Variants in CEP83 observed in about 807,000 individuals in gnomAD.
CEP83 encodes the protein centrosomal protein of 83 kDa.
A neutral mutation model predicts 101.9 loss-of-function variants in CEP83; 70 were observed. The observed-to-expected ratio is 0.69, with a 90% CI of 0.57 to 0.84. CEP83 has a LOEUF of 0.84. CEP83 is among the 40% of genes least tolerant of loss of function. CEP83 has a pLI of 0.00. For synonymous variants in CEP83, 264 were observed against 267.9 expected, an observed-to-expected ratio of 0.99 and a Z score of 0.14; for missense variants, 715 against 787.2, an observed-to-expected ratio of 0.91 and a Z score of 1.10.
intron 15 of CEP83, chr12:94,312,661 C>T (rs1970052577): frequency 2.0e-6 from 2 of 985,156 alleles, no homozygotes; most frequent in Non-Finnish European, 2.4e-6. Context: ...CCACTCCTTG[C>T]TACCAAAGCC....
intron 11 of CEP83, among the ~76,000 whole-genome samples, chr12:94,353,607 T>A (rs1565969234): frequency 6.6e-6 from 1 of 151,980 alleles, no homozygotes; most frequent in Admixed American, 6.6e-5. Context: ...TGTAAACAGA[T>A]TACATCCCCC....
At chr12:94,367,693 G>T in intron 11 of CEP83, 101 bp downstream of exon 11, 1 of 694,588 alleles carries the variant, frequency 1.4e-6, no homozygotes, top group East Asian at 2.9e-5. Flanking sequence ...GGAGATCAGG[G>T]TGAAGAGCAC....
At chr12:94,359,495 T>A (rs894253126) in intron 11 of CEP83, among the ~76,000 whole-genome samples, 2 of 152,134 alleles carry the variant, frequency 1.3e-5, no homozygotes, top group Admixed American at 6.5e-5. Flanking sequence ...GAGACTATTA[T>A]GAGCAACTGT....
At chr12:94,442,510 T>C (rs533320047) in intron 1 of CEP83, among the ~76,000 whole-genome samples, 7 of 146,886 alleles carry the variant, frequency 4.8e-5, no homozygotes, top group South Asian at 2.3e-4. Context: ...CCCAAAACTA[T>C]TGAAATAATG....
chr12:94,294,010 C>G, the CEP83 span, among the ~76,000 whole-genome samples: 1 of 152,158 alleles, frequency 6.6e-6, no homozygotes, highest in Non-Finnish European at 1.5e-5. Flanking sequence ...CCTCCTAATA[C>G]CATCACACTG....
At chr12:94,360,041 C>T (rs868777781) in intron 11 of CEP83, among the ~76,000 whole-genome samples, 1 of 152,088 alleles carries the variant, frequency 6.6e-6, no homozygotes, top group Admixed American at 6.5e-5. Context: ...AATTTCAATA[C>T]ATGCAGAAAA....
At chr12:94,343,310 G>A (rs1449909302) in intron 11 of CEP83, among the ~76,000 whole-genome samples, 1 of 151,898 alleles carries the variant, frequency 6.6e-6, no homozygotes, top group African/African-American at 2.4e-5. Flanking sequence ...TCAGCACCGT[G>A]AGACTGTCGC....
intron 14 of CEP83, among the ~76,000 whole-genome samples, chr12:94,316,055 A>G (rs1233443170): frequency 6.6e-6 from 1 of 152,148 alleles, no homozygotes; most frequent in Non-Finnish European, 1.5e-5. Context: ...TGAGATTTTG[A>G]TTAGAACTGC....
At chr12:94,393,710 T>C (rs549314662) in intron 6 of CEP83, among the ~76,000 whole-genome samples, 1 of 152,224 alleles carries the variant, frequency 6.6e-6, no homozygotes, top group Non-Finnish European at 1.5e-5. Context: ...GATATGATTG[T>C]ATATTTAGAA....
the CEP83 span, among the ~76,000 whole-genome samples, chr12:94,272,802 G>A: frequency 9.9e-5 from 15 of 152,270 alleles, no homozygotes; most frequent in South Asian, 2.1e-3. Context: ...GGGTGGCACC[G>A]GAGGCACAGG....
intron 6 of CEP83, among the ~76,000 whole-genome samples, chr12:94,380,327 T>G (rs915928028): frequency 8.5e-5 from 13 of 152,172 alleles, no homozygotes; most frequent in Non-Finnish European, 1.3e-4. Context: ...CATGCTGAAT[T>G]TAAATGCCAA....
At chr12:94,297,469 T>G in the CEP83 span, 1 of 1,289,300 alleles carries the variant, frequency 7.8e-7, no homozygotes, top group African/African-American at 1.5e-5. Context: ...CTAGGGGGTG[T>G]ATGATATGTT....
At chr12:94,279,142 A>G in the CEP83 span, among the ~76,000 whole-genome samples, 1 of 152,188 alleles carries the variant, frequency 6.6e-6, no homozygotes, top group South Asian at 2.1e-4. Context: ...AACCCTTCCA[A>G]TTCTTTTTTT....
intron 11 of CEP83, among the ~76,000 whole-genome samples, chr12:94,358,480 A>T (rs2060586639): frequency 6.6e-6 from 1 of 152,246 alleles, no homozygotes; most frequent in Non-Finnish European, 1.5e-5. Context: ...AATGGTTAAC[A>T]GATACCCAAT....
chr12:94,458,159 T>C (rs79981373), intron 1 of CEP83, among the ~76,000 whole-genome samples: 4,113 of 149,982 alleles, frequency 0.027, 203 homozygotes, highest in East Asian at 0.21. Context: ...ATCCCACCAC[T>C]GCACTCCAGC....
At chr12:94,448,291 C>A (rs760777841) in intron 1 of CEP83, among the ~76,000 whole-genome samples, 3 of 151,856 alleles carry the variant, frequency 2.0e-5, no homozygotes, top group Non-Finnish European at 2.9e-5. Context: ...AACCAAAGAA[C>A]CCCAAAATAC....
chr12:94,424,788 G>A (rs980868892), intron 2 of CEP83: 63 of 1,610,030 alleles, frequency 3.9e-5, no homozygotes, highest in South Asian at 6.6e-5. Context: ...TGCAATCCTC[G>A]GATGTATAGG....
At chr12:94,445,230 T>C (rs1038938218) in intron 1 of CEP83, among the ~76,000 whole-genome samples, 2 of 152,008 alleles carry the variant, frequency 1.3e-5, no homozygotes, top group African/African-American at 2.4e-5. Flanking sequence ...GAAGAAAGGA[T>C]AGTCTTTTCA....
chr12:94,459,842 C>A lies in CEP83; in HGVS notation c.-440G>T. 6.5e-6 allele frequency: 1 copy of A among 153,716 alleles called. No individual in the cohort carries two copies. The highest frequency in any genetic ancestry group is 1.9e-4 in the South Asian group (1 of 5,168). 9.5% of individuals were successfully genotyped at this position (153,716 alleles called of 1,614,324 possible). A position where few individuals can be genotyped will look rare whatever the true frequency, so the allele number is the denominator to read the frequency against. The stretch of plus-strand genomic sequence containing the variant: ...GGCGGCGGTGAAAAGCCCCACTCCT[C>A]CGCGTGGACCGGGATCCTCAGGGGT... On this transcript the variant is annotated 5_prime_UTR_variant, in exon 1 of 17. Coordinates refer to ENST00000397809, the MANE Select transcript of CEP83 (RefSeq NM_016122.3).
Sources: allele counts gnomAD v4.1 joint callset (sites outside exome capture counted in the v4.1 genomes callset), GRCh38; gene constraint gnomAD v4.1.1; transcripts MANE v1.5; gene names NCBI Gene and HGNC (gene_info 2026-07-23, HGNC 2026-07-21).